The following SLC6A2 variants were observed in gnomAD, a reference collection of about 807,000 sequenced individuals.
The protein encoded by SLC6A2 is solute carrier family 6 member 2.
A neutral mutation model predicts 71.7 loss-of-function variants in SLC6A2; 26 were observed. The ratio of observed to expected loss-of-function variants is 0.36; its 90% CI spans 0.27 to 0.50. The LOEUF is 0.50. SLC6A2 is among the 20% of genes least tolerant of loss of function. The pLI is 0.96. For missense variants in SLC6A2, 581 were observed against 803.9 expected, an observed-to-expected ratio of 0.72 and a Z score of 3.35; for synonymous variants, 363 against 337.9, an observed-to-expected ratio of 1.07 and a Z score of -0.82.
In SLC6A2 at chr16:55,698,021, C is replaced by G. The variant is rs746339091; in HGVS notation, c.1385C>G (p.Thr462Ser). 6.2e-7 allele frequency: 1 copy of G among 1,614,154 alleles called. No homozygotes were observed. Among genetic ancestry groups the G allele is most frequent in the African/African-American group, 1.3e-5 (1 of 75,052 alleles). The change falls in exon 10 of 15, where the codon ACC becomes AGC. Residue 462 changes from threonine to serine, a missense_variant. This residue lies in a region of SLC6A2 where 334 missense variants were observed against 449.0 expected (regional missense o/e 0.74). Transcript: ENST00000568943. ...STFLLALFCI[T>S]KGGIYVLTLL... ...TTCCTTCTCGCCCTGTTCTGCATAA[C>G]CAAGGTGAGTAGGGGCTGGGCTCTG...
At chr16:55,673,596 C>T (rs1964991901) in intron 4 of SLC6A2, among the ~76,000 whole-genome samples, 1 of 152,114 alleles carries the variant, frequency 6.6e-6, no homozygotes, top group Admixed American at 6.5e-5. Flanking sequence ...GAGTCTCGGT[C>T]TGTTGCCCAC....
At chr16:55,658,340 C>T (rs765543368) in intron 2 of SLC6A2, among the ~76,000 whole-genome samples, 27 of 152,140 alleles carry the variant, frequency 1.8e-4, no homozygotes, top group Admixed American at 4.6e-4. Context: ...GGTGAGACCT[C>T]GTCTCTACTA....
rs75766430 is a variant in SLC6A2 at position 55,667,767 on chromosome 16, A to G, written c.275-1798A>G. ...GGTCCCAGATCCCCCATTTCAGAAC[A>G]ACCTACCCTCTGATCCTATTCAGAC... is the stretch of plus-strand genomic sequence containing the variant. On this transcript the variant is annotated intron_variant, in intron 2 of 14. Coordinates refer to ENST00000568943, the MANE Select transcript of SLC6A2 (RefSeq NM_001172501.3). Among the ~76,000 whole-genome samples, 613 of 150,036 alleles carry G rather than the reference A, an allele frequency of 4.1e-3. 5 individuals are homozygous for G. Among genetic ancestry groups the G allele is most frequent in the African/African-American group, 0.014 (566 of 40,372 alleles).
rs115437403 is a variant in SLC6A2 at position 55,685,918 on chromosome 16, G to A, written c.783+637G>A. Reference sequence around the variant, plus strand: ...TCCTATAGTCAGCCTCTCATGGGTGGGAATATTCAGGAAATGGCTCCTGTT... The same window carrying A: ...TCCTATAGTCAGCCTCTCATGGGTGAGAATATTCAGGAAATGGCTCCTGTT... On this transcript the variant is annotated intron_variant, in intron 5 of 14. Coordinates refer to ENST00000568943, the MANE Select transcript of SLC6A2 (RefSeq NM_001172501.3). Among the ~76,000 whole-genome samples, 1,399 of 152,240 alleles carry A rather than the reference G, an allele frequency of 9.2e-3. 22 individuals are homozygous for A. Among genetic ancestry groups the A allele is most frequent in the African/African-American group, 0.032 (1,335 of 41,546 alleles).
rs1966079930 is a variant in SLC6A2 at position 55,705,389 on chromosome 16, C to T, written c.*3043C>T. 1 of 664,004 alleles carries T rather than the reference C, an allele frequency of 1.5e-6. No individual in the cohort carries two copies. Among genetic ancestry groups the T allele is most frequent in the East Asian group, 2.7e-5 (1 of 36,498 alleles). The allele number at this position is 664,004 out of a possible 1,614,324, so 41.1% of individuals were successfully genotyped here. Reference sequence around the variant, plus strand: ...CTAATGTGAGACTGAAGCATTCTTACCAAAGAAATCATTTCCTAGTAAAGA... The same window carrying T: ...CTAATGTGAGACTGAAGCATTCTTATCAAAGAAATCATTTCCTAGTAAAGA... On this transcript the variant is annotated 3_prime_UTR_variant, in exon 15 of 15. Transcript: ENST00000568943.
intron 8 of SLC6A2, among the ~76,000 whole-genome samples, chr16:55,695,982 G>T (rs1242648512): frequency 6.6e-6 from 1 of 152,168 alleles, no homozygotes; most frequent in African/African-American, 2.4e-5. Flanking sequence ...AGTAGGTGGG[G>T]TTTGCAGCAT....
At chr16:55,678,539 C>T (rs114098672) in intron 4 of SLC6A2, among the ~76,000 whole-genome samples, 75 of 152,222 alleles carry the variant, frequency 4.9e-4, no homozygotes, top group African/African-American at 1.8e-3. Context: ...TGCTATTCTC[C>T]CCAGGCTCCA....
intron 4 of SLC6A2, among the ~76,000 whole-genome samples, chr16:55,683,812 T>C (rs1965358739): frequency 6.6e-6 from 1 of 152,122 alleles, no homozygotes; most frequent in Admixed American, 6.5e-5. Flanking sequence ...CCTCATCATG[T>C]CCTCTCCTAG....
chr16:55,658,544 A>G (rs1219505053), intron 2 of SLC6A2, among the ~76,000 whole-genome samples: 1 of 152,100 alleles, frequency 6.6e-6, no homozygotes, highest in Non-Finnish European at 1.5e-5. Flanking sequence ...TGGGATCACC[A>G]TAGAGCACAG....
chr16:55,698,159 G>A (rs757940759), intron 10 of SLC6A2, 134 bp downstream of exon 10: 44 of 983,980 alleles, frequency 4.5e-5, no homozygotes, highest in Admixed American at 2.0e-4. Context: ...TCAATTCAGC[G>A]GCCTGACCCA....
intron 2 of SLC6A2, among the ~76,000 whole-genome samples, chr16:55,667,959 A>T (rs1226762171): frequency 2.6e-5 from 4 of 152,212 alleles, no homozygotes; most frequent in Admixed American, 2.0e-4. Flanking sequence ...CAGTTTCCTC[A>T]TCTGAAAAAT....
chr16:55,694,093 A>T lies in SLC6A2; in HGVS notation c.1002A>T (p.Lys334Asn). The T allele has an allele frequency of 6.2e-7, 1 of 1,605,216 alleles. No homozygotes were observed. The highest frequency in any genetic ancestry group is 8.5e-7 in the Non-Finnish European group (1 of 1,171,800). Residue 334 changes from lysine (K) to asparagine (N), a missense_variant, in exon 7 of 15, where the codon AAA (lysine) becomes AAT (asparagine). By Grantham distance (94) the Lys-to-Asn change is moderately conservative. Around this residue, in one of 5 missense-constraint regions of SLC6A2, gnomAD observed 334 missense variants for 449.0 expected, o/e 0.74. Coordinates refer to ENST00000568943, the MANE Select transcript of SLC6A2 (RefSeq NM_001172501.3). ...TGATTGCATTTGCCAGTTACAACAA[A>T]TTTGACAACAACTGTTACAGGTAAG... is the stretch of plus-strand genomic sequence containing the variant. ...GVLIAFASYN[K>N]FDNNCYRDAL...
At position 55,671,726 on chromosome 16, in the gene SLC6A2, G is replaced by A. The variant is rs1402314116; in HGVS notation, c.407-212G>A. ...AACGCCTGATGACCTGAGGTGGAAC[G>A]GTTTCATCTTGAAACTACCCCCACC... On this transcript the variant is annotated intron_variant, in intron 3 of 14. Coordinates refer to ENST00000568943, the MANE Select transcript of SLC6A2 (RefSeq NM_001172501.3). The A allele has an allele frequency of 4.1e-6, 4 of 966,714 alleles. No homozygotes were observed. In the African/African-American group the frequency reaches 4.9e-5, roughly 12 times the overall value. The allele number at this position is 966,714 out of a possible 1,614,324, so 59.9% of individuals were successfully genotyped here. A position where few individuals can be genotyped will look rare whatever the true frequency, so the allele number is the denominator to read the frequency against.
chr16:55,683,983 T>C (rs1209196023), intron 4 of SLC6A2, among the ~76,000 whole-genome samples: 1 of 152,108 alleles, frequency 6.6e-6, no homozygotes, highest in African/African-American at 2.4e-5. Flanking sequence ...GAGCCATCCC[T>C]CTGGAGGTAA....
chr16:55,692,957 T>C (rs1374526401), intron 6 of SLC6A2, among the ~76,000 whole-genome samples: 2 of 152,212 alleles, frequency 1.3e-5, no homozygotes, highest in South Asian at 2.1e-4. Context: ...TAAGTCAGAC[T>C]TCTATTTGTT....
intron 4 of SLC6A2, among the ~76,000 whole-genome samples, chr16:55,679,621 G>C (rs77036697): frequency 0.039 from 5,967 of 152,282 alleles, 189 homozygotes; most frequent in East Asian, 0.14. Flanking sequence ...TCTAAGTCAG[G>C]GGATTGTTTT....
intron 6 of SLC6A2, 124 bp downstream of exon 6, chr16:55,692,176 C>A: frequency 1.7e-6 from 2 of 1,149,784 alleles, no homozygotes; most frequent in East Asian, 2.4e-5. Flanking sequence ...GGACAGGATC[C>A]TTCCCTGTCT....
intron 4 of SLC6A2, among the ~76,000 whole-genome samples, chr16:55,683,463 T>C (rs116655436): frequency 6.3e-4 from 96 of 152,056 alleles, no homozygotes; most frequent in African/African-American, 2.3e-3. Flanking sequence ...AATACAAAAA[T>C]TTAGCCGAGT....
At chr16:55,683,881 G>T (rs540370208) in intron 4 of SLC6A2, among the ~76,000 whole-genome samples, 57 of 152,132 alleles carry the variant, frequency 3.7e-4, no homozygotes, top group African/African-American at 1.3e-3. Context: ...AATCCTTTAG[G>T]TCAGTTTTGC....
Sources: gnomAD v4.1 joint callset for allele counts (sites outside exome capture counted in the v4.1 genomes callset) on GRCh38, gnomAD v4.1.1 for gene constraint, gnomAD v4.1.1 regional missense constraint, MANE v1.5 for transcripts, NCBI Gene and HGNC (gene_info 2026-07-23, HGNC 2026-07-21) for gene names.